OSBPL10: variants seen among roughly 807,000 people sequenced by gnomAD.
OSBPL10 encodes oxysterol binding protein like 10.
A neutral mutation model predicts 81.7 loss-of-function variants in OSBPL10; 49 were observed. That is an observed-to-expected ratio of 0.60 (90% CI 0.48 to 0.76). The LOEUF is 0.76. Ranked by LOEUF, OSBPL10 falls within the 30% of genes least tolerant of loss-of-function variation. OSBPL10 has a pLI of 0.00. For synonymous variants in OSBPL10, 419 were observed against 383.6 expected, an observed-to-expected ratio of 1.09 and a Z score of -1.08; for missense variants, 923 against 987.8, an observed-to-expected ratio of 0.93 and a Z score of 0.88.
At chr3:31,732,914 A>G in intron 6 of OSBPL10, 1 of 295,182 alleles carries the variant, frequency 3.4e-6, no homozygotes, top group Non-Finnish European at 6.3e-6. Flanking sequence ...TATTCAGGGG[A>G]GCGACATAAT....
At chr3:32,055,106 A>C (rs1310678395) in intron 1 of OSBPL10, among the ~76,000 whole-genome samples, 1 of 151,650 alleles carries the variant, frequency 6.6e-6, no homozygotes, top group African/African-American at 2.4e-5. Flanking sequence ...AGACTGAAAT[A>C]ATCCTTTTAT....
At chr3:31,806,477 C>A (rs565434428) in intron 4 of OSBPL10, among the ~76,000 whole-genome samples, 1 of 152,300 alleles carries the variant, frequency 6.6e-6, no homozygotes, top group South Asian at 2.1e-4. Context: ...TAGCTGAGAG[C>A]CAAACAGTAA....
chr3:31,752,735 G>C (rs373856796), intron 4 of OSBPL10, among the ~76,000 whole-genome samples: 5 of 152,166 alleles, frequency 3.3e-5, no homozygotes, highest in Non-Finnish European at 7.3e-5. Context: ...GAAGATAAGG[G>C]CCTCATTTGT....
At chr3:31,937,857 C>A (rs1010659953) in intron 1 of OSBPL10, among the ~76,000 whole-genome samples, 1 of 152,156 alleles carries the variant, frequency 6.6e-6, no homozygotes, top group African/African-American at 2.4e-5. Flanking sequence ...CTATCTCATT[C>A]GCTGAAGACC....
chr3:31,928,730 A>T (rs768943953), intron 1 of OSBPL10, among the ~76,000 whole-genome samples: 21 of 142,424 alleles, frequency 1.5e-4, no homozygotes, highest in Non-Finnish European at 8.9e-5. Flanking sequence ...CCGCCACTGC[A>T]CTCCAGTCTG....
At chr3:31,727,711 T>C (rs7628473) in intron 6 of OSBPL10, among the ~76,000 whole-genome samples, 1 of 152,094 alleles carries the variant, frequency 6.6e-6, no homozygotes, top group East Asian at 1.9e-4. Context: ...AACTTTAAAA[T>C]AATTATTTAA....
intron 4 of OSBPL10, among the ~76,000 whole-genome samples, chr3:31,766,181 C>A (rs1398753533): frequency 2.0e-5 from 3 of 152,102 alleles, no homozygotes; most frequent in Non-Finnish European, 4.4e-5. Context: ...CTCTGGGTCA[C>A]ATGCCTGCCT....
At position 31,687,182 on chromosome 3, in the gene OSBPL10, G is replaced by C. The variant is rs146190303; in HGVS notation, c.1246-3068C>G. On this transcript the variant is annotated intron_variant, in intron 7 of 11. Coordinates refer to ENST00000396556, the MANE Select transcript of OSBPL10 (RefSeq NM_017784.5). Reference sequence around the variant, plus strand: ...CAGAAGGCAAGCCAGGGGAGGGGAAGGACAGAAATATACACTGAGGCCATC... The same window carrying C: ...CAGAAGGCAAGCCAGGGGAGGGGAACGACAGAAATATACACTGAGGCCATC... Among the ~76,000 whole-genome samples the C allele has an allele frequency of 3.2e-3, 489 of 152,240 alleles. 1 individual carries two copies. The highest frequency in any genetic ancestry group is 0.011 in the African/African-American group (471 of 41,540).
chr3:32,013,189 TG>T (rs1440563514), intron 2 of OSBPL10, among the ~76,000 whole-genome samples: 18 of 152,248 alleles, frequency 1.2e-4, no homozygotes, highest in African/African-American at 4.3e-4. Flanking sequence ...ACCACATAGT[TG>T]GAAGTAAAGC....
intron 3 of OSBPL10, among the ~76,000 whole-genome samples, chr3:31,875,500 C>T (rs1465002901): frequency 6.8e-6 from 1 of 147,964 alleles, no homozygotes; most frequent in Non-Finnish European, 1.5e-5. Flanking sequence ...TTAAGCGAGG[C>T]ATTACAGGTA....
At chr3:31,944,833 T>TAAAAA (rs869140991) in intron 1 of OSBPL10, among the ~76,000 whole-genome samples, 3 of 55,100 alleles carry the variant, frequency 5.4e-5, no homozygotes, top group South Asian at 6.3e-4. Flanking sequence ...CCCCTCTCTT[T>TAAAAA]AAAAAAAAAA....
intron 2 of OSBPL10, among the ~76,000 whole-genome samples, chr3:31,993,164 C>CTTATTTTATTTTATTTTATT (rs143583788): frequency 9.1e-4 from 118 of 129,114 alleles, no homozygotes; most frequent in Non-Finnish European, 1.4e-3. Context: ...GTAAGAAAAC[C>CTTATTTTATTTTATTTTATT]TTATTTTATT....
intron 5 of OSBPL10, among the ~76,000 whole-genome samples, chr3:31,734,546 CA>C (rs977681984): frequency 1.5e-4 from 23 of 151,932 alleles, no homozygotes; most frequent in African/African-American, 5.6e-4. Flanking sequence ...GAGATCAACC[CA>C]AGCAACAAGG....
chr3:31,717,952 G>A (rs985776651), intron 6 of OSBPL10, among the ~76,000 whole-genome samples: 1 of 152,032 alleles, frequency 6.6e-6, no homozygotes, highest in Non-Finnish European at 1.5e-5. Context: ...TAATGCAAAC[G>A]GTATGTAGTA....
intron 1 of OSBPL10, among the ~76,000 whole-genome samples, chr3:31,944,488 G>C (rs1170468160): frequency 1.3e-5 from 2 of 152,122 alleles, no homozygotes; most frequent in African/African-American, 4.8e-5. Context: ...TAAACTAACA[G>C]GCCTGCTAAA....
chr3:31,776,371 T>C (rs1480222067), intron 4 of OSBPL10, among the ~76,000 whole-genome samples: 1 of 152,216 alleles, frequency 6.6e-6, no homozygotes, highest in African/African-American at 2.4e-5. Flanking sequence ...GGTGAGAATG[T>C]AAAATGGCAC....
At chr3:32,057,134 A>G (rs1431755541) in intron 1 of OSBPL10, among the ~76,000 whole-genome samples, 1 of 152,230 alleles carries the variant, frequency 6.6e-6, no homozygotes, top group Non-Finnish European at 1.5e-5. Flanking sequence ...TGCAAAATTC[A>G]TGAATAATTC....
intron 3 of OSBPL10, among the ~76,000 whole-genome samples, chr3:31,861,036 G>T (rs564335877): frequency 6.6e-6 from 1 of 152,172 alleles, no homozygotes; most frequent in East Asian, 1.9e-4. Flanking sequence ...AAGTCTACAG[G>T]TTATTAAATA....
chr3:31,857,801 A>AGG (rs1394952570), intron 3 of OSBPL10, among the ~76,000 whole-genome samples: 2 of 35,636 alleles, frequency 5.6e-5, no homozygotes, highest in East Asian at 8.1e-4. Flanking sequence ...AGAGACAGAA[A>AGG]GGGAGAGAGA....
Sources: gnomAD v4.1 joint callset for allele counts (sites outside exome capture counted in the v4.1 genomes callset) on GRCh38, gnomAD v4.1.1 for gene constraint, MANE v1.5 for transcripts, NCBI Gene and HGNC (gene_info 2026-07-23, HGNC 2026-07-21) for gene names.